Variants in SDK1 observed in about 807,000 individuals in gnomAD.
The protein encoded by SDK1 is protein sidekick-1.
Under a neutral mutation model 245.5 loss-of-function variants are expected in SDK1, and 157 were observed. The ratio of observed to expected loss-of-function variants is 0.64; its 90% CI spans 0.56 to 0.73. SDK1 has a LOEUF of 0.73. Ranked by LOEUF, SDK1 falls within the 30% of genes least tolerant of loss-of-function variation. SDK1 has a pLI of 0.00. For missense variants in SDK1, 3,583 were observed against 3,002.3 expected (o/e 1.19, Z -4.52); for synonymous variants, 1,647 against 1,278.5 (o/e 1.29, Z -6.15).
At chr7:3,340,618 C>T (rs561910192) in intron 1 of SDK1, among the ~76,000 whole-genome samples, 6 of 152,020 alleles carry the variant, frequency 3.9e-5, no homozygotes, top group African/African-American at 1.4e-4. Context: ...AAAAAAATAG[C>T]GGGGCATGGT....
intron 1 of SDK1, among the ~76,000 whole-genome samples, chr7:3,525,959 C>T (rs893970577): frequency 1.3e-4 from 20 of 152,204 alleles, no homozygotes; most frequent in Admixed American, 2.6e-4. Context: ...GTGGGCCAGG[C>T]GCCGTGGCTC....
chr7:3,535,517 C>G (rs538049282), intron 1 of SDK1, among the ~76,000 whole-genome samples: 1 of 152,092 alleles, frequency 6.6e-6, no homozygotes, highest in South Asian at 2.1e-4. Context: ...TCATACTATT[C>G]TTTAGTAGTG....
chr7:3,674,946 G>T (rs1783844903), intron 4 of SDK1, among the ~76,000 whole-genome samples: 1 of 152,190 alleles, frequency 6.6e-6, no homozygotes, highest in South Asian at 2.1e-4. Flanking sequence ...CCTGACCCCT[G>T]TGGATAGAAG....
rs140477096 is a variant in SDK1, at chr7:3,466,724, C to T, written c.299-152356C>T. On this transcript the variant is annotated intron_variant, in intron 1 of 44. Coordinates refer to ENST00000404826, the MANE Select transcript of SDK1 (RefSeq NM_152744.4). ...GCTAATAGTGGCAGAACTATTTATA[C>T]GATTATGATAATCTGTCAAGAGGAT... 1.3e-3 allele frequency among the ~76,000 whole-genome samples: 200 copies of T among 151,672 alleles called. 4 individuals carry two copies. The East Asian group carries it at 0.034, about 26-fold the overall frequency.
At chr7:3,364,682 T>TATA (rs1340919491) in intron 1 of SDK1, among the ~76,000 whole-genome samples, 1 of 152,196 alleles carries the variant, frequency 6.6e-6, no homozygotes, top group African/African-American at 2.4e-5. Flanking sequence ...ACTATAGCTA[T>TATA]ATAATAAGCT....
At chr7:3,978,547 G>C (rs746738514) in intron 13 of SDK1, among the ~76,000 whole-genome samples, 1 of 152,164 alleles carries the variant, frequency 6.6e-6, no homozygotes, top group Non-Finnish European at 1.5e-5. Context: ...TGTCACGAAG[G>C]CTCCTCTATC....
chr7:3,604,222 C>A (rs546675202), intron 1 of SDK1, among the ~76,000 whole-genome samples: 1 of 152,284 alleles, frequency 6.6e-6, no homozygotes, highest in South Asian at 2.1e-4. Flanking sequence ...AGGATTCCTT[C>A]TTTTTCTATT....
intron 1 of SDK1, among the ~76,000 whole-genome samples, chr7:3,368,920 G>T (rs1380729406): frequency 6.6e-6 from 1 of 152,192 alleles, no homozygotes; most frequent in Non-Finnish European, 1.5e-5. Context: ...GCAAGGAATG[G>T]TGTGTAATTC....
chr7:3,554,092 ACAAT>A (rs1476855808), intron 1 of SDK1, among the ~76,000 whole-genome samples: 1 of 152,220 alleles, frequency 6.6e-6, no homozygotes, highest in Non-Finnish European at 1.5e-5. Flanking sequence ...TCTGAACAAC[ACAAT>A]CAAGCAACAG....
intron 1 of SDK1, among the ~76,000 whole-genome samples, chr7:3,611,776 A>G (rs924232451): frequency 1.3e-5 from 2 of 152,116 alleles, no homozygotes; most frequent in Non-Finnish European, 2.9e-5. Context: ...CCACAATGCT[A>G]TGCCTCCTTA....
intron 1 of SDK1, among the ~76,000 whole-genome samples, chr7:3,491,840 A>AAAG (rs1781872161): frequency 6.6e-6 from 1 of 152,258 alleles, no homozygotes; most frequent in Admixed American, 6.5e-5. Context: ...TAAAGTATCC[A>AAAG]TATAAAGCCT....
At position 3,469,981 on chromosome 7, in the gene SDK1, C is replaced by T. The variant is rs551090976; in HGVS notation, c.299-149099C>T. ...ATGAAGGAATATTTTTTATTTCACCCGAGACACAAAATGCATGCAGTAATA... is the reference window on the plus strand; with the variant it reads ...ATGAAGGAATATTTTTTATTTCACCTGAGACACAAAATGCATGCAGTAATA... On this transcript the variant is annotated intron_variant, in intron 1 of 44. Coordinates refer to ENST00000404826, the MANE Select transcript of SDK1 (RefSeq NM_152744.4). 9.2e-5 allele frequency among the ~76,000 whole-genome samples: 14 copies of T among 152,198 alleles called. No homozygotes were observed. In the East Asian group the frequency reaches 1.9e-3, roughly 21 times the overall value.
intron 1 of SDK1, among the ~76,000 whole-genome samples, chr7:3,431,372 T>TTTG (rs1371405398): frequency 6.6e-6 from 1 of 151,094 alleles, no homozygotes; most frequent in Non-Finnish European, 1.5e-5. Context: ...TTTTTTTTTT[T>TTTG]TTTTTTTTTA....
At chr7:3,392,436 A>G (rs1781782147) in intron 1 of SDK1, among the ~76,000 whole-genome samples, 1 of 151,992 alleles carries the variant, frequency 6.6e-6, no homozygotes, top group Non-Finnish European at 1.5e-5. Context: ...ATATACTTTT[A>G]TGGTGGTAAA....
chr7:3,719,246 T>G (rs1785292107), intron 4 of SDK1, among the ~76,000 whole-genome samples: 1 of 108,930 alleles, frequency 9.2e-6, no homozygotes, highest in South Asian at 2.7e-4. Context: ...CCAGAAAGGT[T>G]TTTTTTTTTT....
chr7:3,537,140 C>G (rs1010101637), intron 1 of SDK1, among the ~76,000 whole-genome samples: 1 of 152,132 alleles, frequency 6.6e-6, no homozygotes, highest in East Asian at 1.9e-4. Flanking sequence ...CAGTCCATTC[C>G]CTCTTCGCAG....
chr7:3,309,542 T>TTTTTTTTTAA (rs1554256117), intron 1 of SDK1, among the ~76,000 whole-genome samples: 1 of 148,656 alleles, frequency 6.7e-6, no homozygotes. Flanking sequence ...TTTTTTTTTT[T>TTTTTTTTTAA]ACATGAGTGT....
chr7:3,451,456 C>T (rs1780512088), intron 1 of SDK1, among the ~76,000 whole-genome samples: 1 of 152,064 alleles, frequency 6.6e-6, no homozygotes, highest in Non-Finnish European at 1.5e-5. Context: ...GGTCAGGGGA[C>T]TTGGACACGG....
At position 4,130,354 on chromosome 7, in the gene SDK1, A is replaced by AGAGGCAGCAGAGGCTGGGGC. The variant is rs538839114; in HGVS notation, c.4129+259_4129+278dup. 2.7e-3 allele frequency: 1,295 copies of AGAGGCAGCAGAGGCTGGGGC among 484,644 alleles called. 16 individuals carry two copies. The highest frequency in any genetic ancestry group is 0.024 in the African/African-American group (1,198 of 49,810). The allele number at this position is 484,644 out of a possible 1,614,324, so 30.0% of individuals were successfully genotyped here. The stretch of plus-strand genomic sequence containing the variant: ...AACTCTGCCGTGGGCAGTGCTGGGG[A>AGAGGCAGCAGAGGCTGGGGC]GAGGCAGCAGAGGCTGGGGCGGGGC... On this transcript the variant is annotated intron_variant, in intron 27 of 44. Transcript: ENST00000404826.
Sources: allele counts gnomAD v4.1 joint callset (sites outside exome capture counted in the v4.1 genomes callset), GRCh38; gene constraint gnomAD v4.1.1; transcripts MANE v1.5; gene names NCBI Gene and HGNC (gene_info 2026-07-23, HGNC 2026-07-21).